The following MBOAT2 variants were observed in gnomAD, a reference collection of about 807,000 sequenced individuals.
MBOAT2 encodes membrane-bound glycerophospholipid O-acyltransferase 2.
A neutral mutation model predicts 63.4 loss-of-function variants in MBOAT2; 28 were observed. The observed-to-expected ratio is 0.44, with a 90% CI of 0.33 to 0.61. The LOEUF is 0.61. Ranked by LOEUF, MBOAT2 falls within the 20% of genes least tolerant of loss-of-function variation. MBOAT2 has a pLI of 0.03. For missense variants in MBOAT2, 470 were observed against 605.8 expected (o/e 0.78, Z 2.35); for synonymous variants, 211 against 215.6 (o/e 0.98, Z 0.19).
chr2:8,952,975 GTTAATA>G (rs1251821598), intron 2 of MBOAT2, among the ~76,000 whole-genome samples: 1 of 152,108 alleles, frequency 6.6e-6, no homozygotes, highest in Non-Finnish European at 1.5e-5. Flanking sequence ...TATATTCAAA[GTTAATA>G]TTGATATGTG....
rs953147733 is a variant in MBOAT2 at position 8,857,908 on chromosome 2, C to T, written c.*771G>A. On this transcript the variant is annotated 3_prime_UTR_variant, in exon 13 of 13. Coordinates refer to ENST00000305997, the MANE Select transcript of MBOAT2 (RefSeq NM_138799.4). ...GTGCTTCTTCATTCCTGCCTTCCTTCGTCACCTCTCTCTTTTAAGAAAAAG... is the reference window on the plus strand; with the variant it reads ...GTGCTTCTTCATTCCTGCCTTCCTTTGTCACCTCTCTCTTTTAAGAAAAAG... The T allele has an allele frequency of 2.6e-5, 4 of 152,366 alleles. No individual in the cohort carries two copies. The highest frequency in any genetic ancestry group is 4.8e-5 in the African/African-American group (2 of 41,436). The allele number at this position is 152,366 out of a possible 1,614,324, so 9.4% of individuals were successfully genotyped here.
intron 6 of MBOAT2, among the ~76,000 whole-genome samples, chr2:8,880,885 T>C: frequency 6.6e-6 from 1 of 151,466 alleles, no homozygotes; most frequent in South Asian, 2.1e-4. Flanking sequence ...AGACCAAGAG[T>C]GGGCACAAAA....
At chr2:8,899,018 G>A (rs2356657) in intron 4 of MBOAT2, among the ~76,000 whole-genome samples, 4,460 of 152,310 alleles carry the variant, frequency 0.029, 161 homozygotes, top group African/African-American at 0.092. Context: ...GCTTTGAAAC[G>A]TTTAACAATA....
intron 3 of MBOAT2, among the ~76,000 whole-genome samples, chr2:8,933,730 T>C (rs1341271549): frequency 1.3e-5 from 2 of 152,240 alleles, no homozygotes; most frequent in East Asian, 1.9e-4. Context: ...CCCCATTCTA[T>C]GAGCAATCTA....
At chr2:8,926,073 G>A (rs1411950171) in intron 3 of MBOAT2, among the ~76,000 whole-genome samples, 1 of 152,146 alleles carries the variant, frequency 6.6e-6, no homozygotes, top group African/African-American at 2.4e-5. Flanking sequence ...GTGTGGCTCT[G>A]AAGTCTGGGT....
At chr2:8,899,592 A>G (rs1004260521) in intron 4 of MBOAT2, among the ~76,000 whole-genome samples, 3 of 152,244 alleles carry the variant, frequency 2.0e-5, no homozygotes, top group African/African-American at 7.2e-5. Context: ...TCTGACCCAG[A>G]GAACCTTTGT....
At chr2:9,001,337 AGGACTGGCAGCACAGTAGGTTT>A (rs1428083699) in intron 1 of MBOAT2, among the ~76,000 whole-genome samples, 3 of 152,216 alleles carry the variant, frequency 2.0e-5, no homozygotes, top group Non-Finnish European at 4.4e-5. Flanking sequence ...AGACTTTTAT[AGGACTGGCAGCACAGTAGGTTT>A]GGACTGGCAG....
At chr2:8,942,661 C>A (rs980796574) in intron 3 of MBOAT2, among the ~76,000 whole-genome samples, 5 of 152,214 alleles carry the variant, frequency 3.3e-5, no homozygotes, top group African/African-American at 9.7e-5. Flanking sequence ...GACTCCCCAC[C>A]TCAGAAGACA....
intron 3 of MBOAT2, among the ~76,000 whole-genome samples, chr2:8,910,855 C>T (rs923497815): frequency 2.6e-5 from 4 of 152,060 alleles, no homozygotes; most frequent in Non-Finnish European, 5.9e-5. Context: ...TTTAGGTCCC[C>T]AAATTTTACC....
chr2:8,863,139 G>C (rs1035747598), intron 10 of MBOAT2, among the ~76,000 whole-genome samples: 20 of 152,074 alleles, frequency 1.3e-4, no homozygotes, highest in African/African-American at 4.8e-4. Flanking sequence ...ATTCTTCTAT[G>C]ACAGGGATAG....
intron 4 of MBOAT2, among the ~76,000 whole-genome samples, chr2:8,907,857 A>G: frequency 6.6e-6 from 1 of 152,080 alleles, no homozygotes; most frequent in South Asian, 2.1e-4. Context: ...CTGAGCTCAT[A>G]CAACTTTGGT....
chr2:8,910,170 C>G (rs1021749901), intron 3 of MBOAT2, among the ~76,000 whole-genome samples: 1 of 151,858 alleles, frequency 6.6e-6, no homozygotes, highest in African/African-American at 2.4e-5. Flanking sequence ...CAGAGAAAGA[C>G]AGAGAGAGAG....
intron 1 of MBOAT2, chr2:8,974,502 A>T (rs1360385883): frequency 4.4e-6 from 2 of 451,996 alleles, no homozygotes; most frequent in African/African-American, 2.0e-5. Context: ...GAGGTTGCTG[A>T]GCCACTGAAT....
At chr2:8,995,224 A>T (rs140189508) in intron 1 of MBOAT2, among the ~76,000 whole-genome samples, 2 of 152,330 alleles carry the variant, frequency 1.3e-5, no homozygotes, top group African/African-American at 4.8e-5. Context: ...CAATCAATCA[A>T]TACAATTTTT....
At position 9,003,464 on chromosome 2, in the gene MBOAT2, GC is replaced by G; in HGVS notation, c.75+75del. ...GCCCCAGCCCCCACCCTCCTCCCGG[GC>G]CCCCGGTCGGGTGGCACCGCGGCGG... is the stretch of plus-strand genomic sequence containing the variant. On this transcript the variant is annotated intron_variant, in intron 1 of 12. Coordinates refer to ENST00000305997, the MANE Select transcript of MBOAT2 (RefSeq NM_138799.4). The surrounding 1 kb of genome is among the most constrained non-coding windows in gnomAD (Gnocchi z 5.4). 6.0e-6 allele frequency: 6 copies of G among 1,000,722 alleles called. No individual in the cohort carries two copies. The highest frequency in any genetic ancestry group is 6.2e-6 in the Non-Finnish European group (5 of 801,892). 62.0% of individuals were successfully genotyped at this position (1,000,722 alleles called of 1,614,324 possible).
intron 2 of MBOAT2, among the ~76,000 whole-genome samples, chr2:8,948,769 T>C (rs763221253): frequency 3.9e-5 from 6 of 152,222 alleles, no homozygotes; most frequent in Non-Finnish European, 7.3e-5. Context: ...TGATTCCATG[T>C]CTTTGCTATT....
intron 2 of MBOAT2, among the ~76,000 whole-genome samples, chr2:8,943,664 C>T (rs1358273200): frequency 6.6e-6 from 1 of 152,208 alleles, no homozygotes; most frequent in Non-Finnish European, 1.5e-5. Context: ...TTCTCCAGTA[C>T]CAACTTTGTA....
chr2:8,972,698 A>C (rs1670533000), intron 1 of MBOAT2, among the ~76,000 whole-genome samples: 1 of 152,220 alleles, frequency 6.6e-6, no homozygotes, highest in Non-Finnish European at 1.5e-5. Flanking sequence ...CCCATCAAAA[A>C]GTGGGCGAAG....
rs199997967 is a variant in MBOAT2 at position 8,864,722 on chromosome 2, T to C, written c.988-488A>G. On this transcript the variant is annotated intron_variant, in intron 9 of 12. Coordinates refer to ENST00000305997, the MANE Select transcript of MBOAT2 (RefSeq NM_138799.4). ...CCTGGCTGTGCTGCCCCTGAAAGAGTGGATCTGCACACCCAGGTCTCACAG... is the reference window on the plus strand; with the variant it reads ...CCTGGCTGTGCTGCCCCTGAAAGAGCGGATCTGCACACCCAGGTCTCACAG... Among the ~76,000 whole-genome samples, 4 of 151,896 alleles carry C rather than the reference T, an allele frequency of 2.6e-5. No homozygotes were observed. The East Asian group carries it at 7.7e-4, about 29-fold the overall frequency.
Sources: gnomAD v4.1 joint callset for allele counts (sites outside exome capture counted in the v4.1 genomes callset) on GRCh38, gnomAD v4.1.1 for gene constraint, Gnocchi (gnomAD v3.1) non-coding constraint, MANE v1.5 for transcripts, NCBI Gene and HGNC (gene_info 2026-07-23, HGNC 2026-07-21) for gene names.